Variants in CCDC148 observed in about 807,000 individuals in gnomAD.
The protein encoded by CCDC148 is coiled-coil domain containing 148.
In CCDC148, 89 loss-of-function variants were observed where a neutral mutation model predicts 85.7. The observed-to-expected ratio is 1.04, with a 90% CI of 0.87 to 1.24. The LOEUF (loss-of-function observed/expected upper bound fraction) is 1.24, where lower values mean the gene tolerates loss of function less well. Among genes scored for constraint, CCDC148 ranks in the 50% most tolerant of loss-of-function variants. CCDC148 has a pLI of 0.00. For missense variants in CCDC148, 692 were observed against 671.7 expected, an observed-to-expected ratio of 1.03 and a Z score of -0.33; for synonymous variants, 230 against 213.9, an observed-to-expected ratio of 1.08 and a Z score of -0.66.
intron 9 of CCDC148, among the ~76,000 whole-genome samples, chr2:158,304,289 T>C (rs1007155058): frequency 4.6e-5 from 7 of 152,104 alleles, no homozygotes; most frequent in Admixed American, 4.6e-4. Flanking sequence ...TCTCAGATGA[T>C]GGGTGACTGA....
chr2:158,249,710 C>T (rs777612315), intron 10 of CCDC148, among the ~76,000 whole-genome samples: 23 of 152,042 alleles, frequency 1.5e-4, no homozygotes, highest in Admixed American at 4.6e-4. Context: ...GAAAAACTGG[C>T]TTATAGCTTT....
intron 2 of CCDC148, among the ~76,000 whole-genome samples, chr2:158,353,736 A>G (rs1438269907): frequency 6.6e-6 from 1 of 152,198 alleles, no homozygotes; most frequent in African/African-American, 2.4e-5. Context: ...CCTAATAGAT[A>G]TCTACAGAAC....
At chr2:158,442,778 A>G (rs1687990704) in intron 1 of CCDC148, among the ~76,000 whole-genome samples, 1 of 152,216 alleles carries the variant, frequency 6.6e-6, no homozygotes, top group African/African-American at 2.4e-5. Flanking sequence ...TATGTGCCAG[A>G]CACTATTCTA....
intron 9 of CCDC148, among the ~76,000 whole-genome samples, chr2:158,286,229 G>C (rs1309822033): frequency 6.6e-6 from 1 of 151,962 alleles, no homozygotes; most frequent in African/African-American, 2.4e-5. Flanking sequence ...AAATGAATCT[G>C]GCAAAAGATT....
chr2:158,185,516 C>A (rs535157665), intron 11 of CCDC148, among the ~76,000 whole-genome samples: 1 of 152,044 alleles, frequency 6.6e-6, no homozygotes, highest in Non-Finnish European at 1.5e-5. Context: ...AATAAGAGCA[C>A]ATTTTCCTGT....
chr2:158,305,755 TAAA>T (rs56227304), intron 9 of CCDC148, among the ~76,000 whole-genome samples: 74 of 87,866 alleles, frequency 8.4e-4, no homozygotes, highest in Middle Eastern at 6.2e-3. Flanking sequence ...CCCTGTCTCT[TAAA>T]AAAAAAAAAA....
chr2:158,367,164 G>A (rs1290403845), intron 1 of CCDC148, among the ~76,000 whole-genome samples: 2 of 152,150 alleles, frequency 1.3e-5, no homozygotes, highest in Non-Finnish European at 2.9e-5. Context: ...AGGAGTGGCA[G>A]AAAATTTGGA....
intron 11 of CCDC148, among the ~76,000 whole-genome samples, chr2:158,203,774 T>A (rs1279148637): frequency 1.3e-5 from 2 of 152,126 alleles, no homozygotes; most frequent in African/African-American, 4.8e-5. Flanking sequence ...AAGTTCAACA[T>A]CAGGAGATGC....
At chr2:158,207,283 C>T (rs906030646) in intron 11 of CCDC148, among the ~76,000 whole-genome samples, 6 of 152,162 alleles carry the variant, frequency 3.9e-5, no homozygotes, top group Non-Finnish European at 8.8e-5. Context: ...CACTACAGAA[C>T]GAACTGGGAA....
intron 1 of CCDC148, among the ~76,000 whole-genome samples, chr2:158,406,632 T>TTG (rs1559124705): frequency 2.8e-5 from 4 of 140,594 alleles, no homozygotes; most frequent in Non-Finnish European, 4.6e-5. Flanking sequence ...TTTTTTTTTT[T>TTG]TTTTTTTTGA....
intron 9 of CCDC148, among the ~76,000 whole-genome samples, chr2:158,295,716 G>A (rs934147617): frequency 2.0e-5 from 3 of 146,776 alleles, no homozygotes; most frequent in African/African-American, 7.6e-5. Flanking sequence ...GTATTGATGG[G>A]ACGTATTTCA....
At chr2:158,449,886 T>TCA (rs1241253149) in intron 1 of CCDC148, among the ~76,000 whole-genome samples, 3 of 152,240 alleles carry the variant, frequency 2.0e-5, no homozygotes. Context: ...ATGCACTTTA[T>TCA]CACACCAACA....
At chr2:158,190,322 C>T (rs1685361911) in intron 11 of CCDC148, among the ~76,000 whole-genome samples, 1 of 151,954 alleles carries the variant, frequency 6.6e-6, no homozygotes, top group South Asian at 2.1e-4. Context: ...GCCACCCAGG[C>T]AGATCAGCAT....
At chr2:158,302,472 C>T (rs1242349441) in intron 9 of CCDC148, among the ~76,000 whole-genome samples, 1 of 151,986 alleles carries the variant, frequency 6.6e-6, no homozygotes, top group Non-Finnish European at 1.5e-5. Flanking sequence ...ACTCAGCCAC[C>T]CAGCATGGAA....
At chr2:158,323,919 CTTTTTTTTTTTTTTTTT>C (rs777356867) in intron 7 of CCDC148, among the ~76,000 whole-genome samples, 1 of 82,946 alleles carries the variant, frequency 1.2e-5, no homozygotes, top group Non-Finnish European at 2.4e-5. Flanking sequence ...CTGGGAATAA[CTTTTTTTTTTTTTTTTT>C]TTTTTTTTTT....
chr2:158,353,501 G>A (rs9678205), intron 2 of CCDC148, among the ~76,000 whole-genome samples: 2 of 150,712 alleles, frequency 1.3e-5, no homozygotes, highest in African/African-American at 4.9e-5. Context: ...TAATGGTAAA[G>A]GGATCAATTC....
Position 158,216,823 on chromosome 2 carries a change from G to A in CCDC148, c.1370+3772C>T, listed in dbSNP as rs548547667. On this transcript the variant is annotated intron_variant, in intron 11 of 13. Transcript: ENST00000283233. ...TTGTGATGTAAAAGTCAATTGATAG[G>A]AATCGCTTATATTTAATGAATACTT... Among the ~76,000 whole-genome samples, 9 of 152,116 alleles carry A rather than the reference G, an allele frequency of 5.9e-5. No homozygotes were observed. The East Asian group carries it at 1.7e-3, about 29-fold the overall frequency.
intron 1 of CCDC148, among the ~76,000 whole-genome samples, chr2:158,403,472 A>G (rs1685872028): frequency 6.6e-6 from 1 of 152,062 alleles, no homozygotes; most frequent in Non-Finnish European, 1.5e-5. Context: ...TAAAATGTCT[A>G]TTACATCACC....
chr2:158,399,180 G>A (rs10933477), intron 1 of CCDC148, among the ~76,000 whole-genome samples: 109,006 of 152,018 alleles, frequency 0.72, 39,883 homozygotes, highest in East Asian at 0.82. Flanking sequence ...ATTCACAGCC[G>A]AATTCTACCA....
Sources: allele counts gnomAD v4.1 joint callset (sites outside exome capture counted in the v4.1 genomes callset), GRCh38; gene constraint gnomAD v4.1.1; transcripts MANE v1.5; gene names NCBI Gene and HGNC (gene_info 2026-07-23, HGNC 2026-07-21).